The following CA10 variants were observed in gnomAD, a reference collection of about 807,000 sequenced individuals.
CA10 encodes carbonic anhydrase 10 (inactive).
In CA10, 14 loss-of-function variants were observed where a neutral mutation model predicts 44.2. The ratio of observed to expected loss-of-function variants is 0.32; its 90% confidence interval spans 0.21 to 0.50. The LOEUF (loss-of-function observed/expected upper bound fraction) is 0.50. CA10 is among the 20% of genes least tolerant of loss of function. The pLI is 0.99. For synonymous variants in CA10, 159 were observed against 141.6 expected (o/e 1.12, Z -0.87); for missense variants, 350 against 409.7 (o/e 0.85, Z 1.26).
At chr17:52,139,282 G>A (rs1469526825) in intron 1 of CA10, among the ~76,000 whole-genome samples, 3 of 152,100 alleles carry the variant, frequency 2.0e-5, no homozygotes, top group Admixed American at 6.5e-5. Flanking sequence ...AGCACTTTAT[G>A]GCCTTTAGTT....
chr17:52,051,449 GAA>G (rs563024545), intron 2 of CA10, among the ~76,000 whole-genome samples: 1 of 139,068 alleles, frequency 7.2e-6, no homozygotes, highest in Admixed American at 7.2e-5. Flanking sequence ...AAATTCACAA[GAA>G]AAAAAAAAAA....
At position 51,821,818 on chromosome 17, in the gene CA10, C is replaced by A. The variant is rs561775443; in HGVS notation, c.280-74000G>T. 1.8e-4 allele frequency among the ~76,000 whole-genome samples: 27 copies of A among 152,294 alleles called. No homozygotes were observed. In the East Asian group the frequency reaches 5.2e-3, roughly 29 times the overall value. On this transcript the variant is annotated intron_variant, in intron 3 of 8. Transcript: ENST00000451037. ...GGCAGAAAAGCACAGAGCTTAGAGT[C>A]AGAAGACCTAAGTTTGACTCCCGAT... is the stretch of plus-strand genomic sequence containing the variant.
At chr17:51,833,981 C>T (rs908586129) in intron 3 of CA10, among the ~76,000 whole-genome samples, 4 of 152,166 alleles carry the variant, frequency 2.6e-5, no homozygotes, top group African/African-American at 7.2e-5. Flanking sequence ...AGTCATGGTA[C>T]GACCATGGAA....
At chr17:51,967,967 G>A (rs1984143377) in intron 2 of CA10, among the ~76,000 whole-genome samples, 1 of 151,770 alleles carries the variant, frequency 6.6e-6, no homozygotes. Flanking sequence ...ATTGAAAAGG[G>A]AGATTATTGA....
At chr17:52,149,142 G>A (rs1272492250) in intron 1 of CA10, among the ~76,000 whole-genome samples, 1 of 152,230 alleles carries the variant, frequency 6.6e-6, no homozygotes, top group Non-Finnish European at 1.5e-5. Context: ...CAGTAAATCT[G>A]TTTATTCCAA....
At chr17:51,944,308 G>A (rs1221650457) in intron 2 of CA10, among the ~76,000 whole-genome samples, 3 of 152,100 alleles carry the variant, frequency 2.0e-5, no homozygotes, top group Admixed American at 6.6e-5. Flanking sequence ...TATCAGACAT[G>A]GGGCCATGAA....
At chr17:51,708,214 C>T (rs1915819828) in intron 4 of CA10, among the ~76,000 whole-genome samples, 2 of 152,178 alleles carry the variant, frequency 1.3e-5, no homozygotes, top group Admixed American at 1.3e-4. Flanking sequence ...GAAAAGAGCT[C>T]TCATGCCTCC....
chr17:51,631,690 G>T, intron 8 of CA10, 84 bp from the exon 9 acceptor site: 2 of 1,189,726 alleles, frequency 1.7e-6, no homozygotes, highest in Middle Eastern at 2.6e-4. Flanking sequence ...CAGTTTTAGA[G>T]AATTCCTCCA....
At chr17:52,158,931 T>TGAGGAG, upstream of CA10, among the ~76,000 whole-genome samples, 1 of 151,550 alleles carries the variant, frequency 6.6e-6, no homozygotes, top group Admixed American at 6.6e-5. Context: ...AGCGCGGCCA[T>TGAGGAG]GAGGAGGAGG....
Position 51,931,035 on chromosome 17 carries a change from G to A in CA10, c.234C>T (p.Phe78=), listed in dbSNP as rs201633277. The change falls in exon 3 of 9, where the codon TTC becomes TTT. Residue 78 remains phenylalanine, a synonymous_variant. Transcript: ENST00000451037. The part of the protein sequence containing the change: ...PVNIETSHMI[F]DPFLTPLRIN... ...TGCGAAGAGGTGTCAGAAAGGGGTC[G>A]AAGATCATGTGACTGGTCTCTATGT... 2.1e-4 allele frequency: 338 copies of A among 1,613,428 alleles called. 2 individuals carry two copies. Among genetic ancestry groups the A allele is most frequent in the Middle Eastern group, 1.5e-3 (9 of 6,076 alleles).
At chr17:51,792,802 G>A (rs1303685047) in intron 3 of CA10, among the ~76,000 whole-genome samples, 1 of 152,136 alleles carries the variant, frequency 6.6e-6, no homozygotes, top group Admixed American at 6.5e-5. Context: ...TATAGCAATA[G>A]AGCAATATTG....
chr17:52,058,845 C>A (rs1358458771), intron 2 of CA10, among the ~76,000 whole-genome samples: 10 of 152,072 alleles, frequency 6.6e-5, no homozygotes, highest in African/African-American at 2.4e-4. Context: ...CCTTATTAGG[C>A]TAAACTGTAA....
intron 2 of CA10, among the ~76,000 whole-genome samples, chr17:52,010,297 C>T (rs566399585): frequency 1.3e-5 from 2 of 151,970 alleles, no homozygotes; most frequent in Non-Finnish European, 1.5e-5. Context: ...GATACTTGTG[C>T]ACACATGTTT....
At chr17:51,662,064 G>C (rs1297314916) in intron 4 of CA10, among the ~76,000 whole-genome samples, 1 of 152,202 alleles carries the variant, frequency 6.6e-6, no homozygotes, top group Non-Finnish European at 1.5e-5. Context: ...TTTGGGAGAT[G>C]AATAAAGAAC....
At chr17:51,898,602 T>C (rs1981175261) in intron 3 of CA10, among the ~76,000 whole-genome samples, 1 of 152,092 alleles carries the variant, frequency 6.6e-6, no homozygotes, top group Non-Finnish European at 1.5e-5. Flanking sequence ...TCCTCAGCTT[T>C]TAGGAAAAGT....
At chr17:51,746,886 T>C (rs942928796) in intron 4 of CA10, among the ~76,000 whole-genome samples, 1 of 152,204 alleles carries the variant, frequency 6.6e-6, no homozygotes, top group African/African-American at 2.4e-5. Context: ...CTTCCTAACA[T>C]CAGTTATTGA....
At chr17:51,946,065 C>G (rs1185214532) in intron 2 of CA10, among the ~76,000 whole-genome samples, 1 of 152,102 alleles carries the variant, frequency 6.6e-6, no homozygotes, top group Non-Finnish European at 1.5e-5. Flanking sequence ...AAAACAAATA[C>G]TGCATTATCT....
intron 3 of CA10, among the ~76,000 whole-genome samples, chr17:51,764,921 G>A (rs1450054722): frequency 6.6e-6 from 1 of 152,170 alleles, no homozygotes; most frequent in Non-Finnish European, 1.5e-5. Context: ...TGAAGGGCCT[G>A]CAATATAACT....
At chr17:51,920,987 A>G (rs557716256) in intron 3 of CA10, among the ~76,000 whole-genome samples, 2 of 152,328 alleles carry the variant, frequency 1.3e-5, no homozygotes, top group South Asian at 4.1e-4. Context: ...ACCAAAGGAG[A>G]GAGCCTGTAT....
Sources: gnomAD v4.1 joint callset for allele counts (sites outside exome capture counted in the v4.1 genomes callset) on GRCh38, gnomAD v4.1.1 for gene constraint, MANE v1.5 for transcripts, NCBI Gene and HGNC (gene_info 2026-07-23, HGNC 2026-07-21) for gene names.